Variants in CSMD1 observed in about 807,000 individuals in gnomAD.
CSMD1 encodes the protein CUB and sushi domain-containing protein 1.
CSMD1 carries 213 observed loss-of-function variants against 417.5 expected under a neutral mutation model. That is an observed-to-expected ratio of 0.51 (90% CI 0.46 to 0.57). The LOEUF is 0.57. Among genes scored for constraint, CSMD1 ranks in the 20% least tolerant of loss-of-function variants. CSMD1 has a pLI of 0.00. For synonymous variants in CSMD1, 2,862 were observed against 1,736.8 expected, an observed-to-expected ratio of 1.65 and a Z score of -16.11; for missense variants, 6,923 against 4,529.7, an observed-to-expected ratio of 1.53 and a Z score of -15.17.
chr8:2,972,070 A>G (rs1044922380), intron 57 of CSMD1, among the ~76,000 whole-genome samples: 1 of 152,120 alleles, frequency 6.6e-6, no homozygotes, highest in Non-Finnish European at 1.5e-5. Context: ...ATGCAAATAT[A>G]TGCACAAACA....
intron 2 of CSMD1, among the ~76,000 whole-genome samples, chr8:4,431,946 G>A (rs922273672): frequency 2.0e-5 from 3 of 152,072 alleles, no homozygotes; most frequent in Non-Finnish European, 2.9e-5. Context: ...AATAAACACA[G>A]TATTGTTTTA....
Position 4,266,004 on chromosome 8 carries a change from G to T in CSMD1, c.415+153949C>A, listed in dbSNP as rs1206165149. Among the ~76,000 whole-genome samples, 2 of 103,762 alleles carry T rather than the reference G, an allele frequency of 1.9e-5. 1 individual carries two copies. Among genetic ancestry groups the T allele is most frequent in the Non-Finnish European group, 5.2e-5 (2 of 38,650 alleles). 68.1% of individuals were successfully genotyped at this position (103,762 alleles called of 152,430 possible). A position where few individuals can be genotyped will look rare whatever the true frequency, so the allele number is the denominator to read the frequency against. On this transcript the variant is annotated intron_variant, in intron 3 of 69. Coordinates refer to ENST00000635120, the MANE Select transcript of CSMD1 (RefSeq NM_033225.6). ...CTTTGTGTGCGTTTGGGCTGTGTAAGTCATCCCAAACCGGCCCACCGCACT... is the reference window on the plus strand; with the variant it reads ...CTTTGTGTGCGTTTGGGCTGTGTAATTCATCCCAAACCGGCCCACCGCACT...
chr8:4,737,963 A>C (rs1161049892), intron 1 of CSMD1, among the ~76,000 whole-genome samples: 1 of 152,240 alleles, frequency 6.6e-6, no homozygotes, highest in Non-Finnish European at 1.5e-5. Flanking sequence ...TTTTCAGGTA[A>C]CAGCCTGCCA....
intron 1 of CSMD1, among the ~76,000 whole-genome samples, chr8:4,686,846 G>A (rs1693048460): frequency 6.6e-6 from 1 of 152,220 alleles, no homozygotes; most frequent in South Asian, 2.1e-4. Context: ...GCTGCAGGGA[G>A]AGAAGGAAGG....
At chr8:4,637,921 C>T (rs889496102) in intron 1 of CSMD1, among the ~76,000 whole-genome samples, 8 of 151,988 alleles carry the variant, frequency 5.3e-5, no homozygotes, top group South Asian at 2.1e-4. Flanking sequence ...CCACCCGCCC[C>T]GGCCTCCCAA....
At chr8:4,030,667 C>A (rs377634136) in intron 4 of CSMD1, among the ~76,000 whole-genome samples, 1 of 152,186 alleles carries the variant, frequency 6.6e-6, no homozygotes, top group Non-Finnish European at 1.5e-5. Context: ...TGGGGATTAA[C>A]TTTTGGCTTC....
rs1563291131 is a variant in CSMD1, at chr8:3,990,245, A to G, written c.818+7658T>C. Among the ~76,000 whole-genome samples the G allele has an allele frequency of 3.9e-5, 6 of 152,256 alleles. No individual in the cohort carries two copies. The South Asian group carries it at 1.2e-3, about 31-fold the overall frequency. On this transcript the variant is annotated intron_variant, in intron 5 of 69. Transcript: ENST00000635120. ...TAGTTGATGAAATACATTTTAATCC[A>G]TAAAAGACTTCTTTTTTCATTGCCT...
chr8:4,809,950 G>A lies in CSMD1; in HGVS notation c.86-172392C>T, dbSNP rs141331601. ...TTAACCTAAATCAGTTTCTTCACCT[G>A]TTTCTTCTCCTGCAAACGGGGTAAT... On this transcript the variant is annotated intron_variant, in intron 1 of 69. Transcript: ENST00000635120. 1.5e-3 allele frequency among the ~76,000 whole-genome samples: 231 copies of A among 152,230 alleles called. 2 individuals are homozygous for A. Among genetic ancestry groups the A allele is most frequent in the African/African-American group, 5.3e-3 (222 of 41,536 alleles).
chr8:3,290,352 A>T (rs971942468), intron 25 of CSMD1, among the ~76,000 whole-genome samples: 2 of 146,606 alleles, frequency 1.4e-5, no homozygotes, highest in Non-Finnish European at 1.5e-5. Flanking sequence ...AGTTTTTTCT[A>T]ATTCTGTGAA....
At chr8:4,848,369 G>A (rs912099235) in intron 1 of CSMD1, among the ~76,000 whole-genome samples, 2 of 152,178 alleles carry the variant, frequency 1.3e-5, no homozygotes, top group Non-Finnish European at 2.9e-5. Context: ...TGGTGGTCAC[G>A]TAAGATTATA....
intron 3 of CSMD1, among the ~76,000 whole-genome samples, chr8:4,335,788 G>A (rs1055865740): frequency 1.3e-5 from 2 of 152,022 alleles, no homozygotes; most frequent in Non-Finnish European, 2.9e-5. Context: ...AACATACCAC[G>A]TTACCTGTGA....
intron 1 of CSMD1, among the ~76,000 whole-genome samples, chr8:4,670,882 G>A (rs1482077551): frequency 6.6e-6 from 1 of 152,142 alleles, no homozygotes; most frequent in African/African-American, 2.4e-5. Flanking sequence ...TTTGATGGGG[G>A]TACTTTAACA....
intron 1 of CSMD1, among the ~76,000 whole-genome samples, chr8:4,734,646 T>G (rs368185134): frequency 6.6e-6 from 1 of 152,232 alleles, no homozygotes; most frequent in African/African-American, 2.4e-5. Context: ...AAATACTTTT[T>G]TTATTTTAAC....
At chr8:4,944,784 C>T (rs935493043) in intron 1 of CSMD1, among the ~76,000 whole-genome samples, 6 of 151,900 alleles carry the variant, frequency 3.9e-5, no homozygotes, top group East Asian at 1.9e-4. Flanking sequence ...ATGGCAAACC[C>T]GCTGCACTCT....
At chr8:4,843,905 C>T (rs1333877511) in intron 1 of CSMD1, among the ~76,000 whole-genome samples, 9 of 152,278 alleles carry the variant, frequency 5.9e-5, no homozygotes, top group Non-Finnish European at 1.2e-4. Flanking sequence ...GAGCTCTTTT[C>T]TGGGTGCACA....
intron 26 of CSMD1, among the ~76,000 whole-genome samples, chr8:3,277,822 G>T (rs531549664): frequency 6.6e-6 from 1 of 152,270 alleles, no homozygotes; most frequent in Non-Finnish European, 1.5e-5. Flanking sequence ...ATGGGATTGG[G>T]GGGATGAATT....
chr8:4,669,890 T>G (rs1805182436), intron 1 of CSMD1, among the ~76,000 whole-genome samples: 1 of 152,206 alleles, frequency 6.6e-6, no homozygotes, highest in Non-Finnish European at 1.5e-5. Context: ...CTAGAACTGC[T>G]GAAAGGTGCA....
At chr8:3,710,837 G>A (rs887392983) in intron 6 of CSMD1, among the ~76,000 whole-genome samples, 1 of 152,152 alleles carries the variant, frequency 6.6e-6, no homozygotes. Flanking sequence ...AATTTGAACT[G>A]AAATCTTCCA....
chr8:4,415,582 TTTGA>T (rs1359540707), intron 3 of CSMD1, among the ~76,000 whole-genome samples: 10 of 152,160 alleles, frequency 6.6e-5, no homozygotes, highest in African/African-American at 1.9e-4. Flanking sequence ...CAGTGTTCTG[TTTGA>T]TTGTTTCATT....
Sources: gnomAD v4.1 joint callset for allele counts (sites outside exome capture counted in the v4.1 genomes callset) on GRCh38, gnomAD v4.1.1 for gene constraint, MANE v1.5 for transcripts, NCBI Gene and HGNC (gene_info 2026-07-23, HGNC 2026-07-21) for gene names.